Variants in RSRC1 observed in about 807,000 individuals in gnomAD.
The protein encoded by RSRC1 is arginine and serine rich coiled-coil 1, also known as serine/Arginine-related protein 53.
RSRC1 carries 39 observed loss-of-function variants against 49.1 expected under a neutral mutation model. The ratio of observed to expected loss-of-function variants is 0.79; its 90% CI spans 0.61 to 1.04. RSRC1 has a LOEUF of 1.04. Among genes scored for constraint, RSRC1 ranks in the 50% least tolerant of loss-of-function variants. The pLI, the probability that RSRC1 is intolerant of heterozygous loss-of-function variation, is 0.00. For synonymous variants in RSRC1, 143 were observed against 130.8 expected (o/e 1.09, Z -0.63); for missense variants, 388 against 402.4 (o/e 0.96, Z 0.31).
At chr3:158,305,337 G>T (rs2108132414) in intron 5 of RSRC1, among the ~76,000 whole-genome samples, 1 of 152,094 alleles carries the variant, frequency 6.6e-6, no homozygotes, top group South Asian at 2.1e-4. Context: ...TAACTTTTTT[G>T]ACTTTTATGC....
At chr3:158,355,732 T>C (rs1731119750) in intron 6 of RSRC1, among the ~76,000 whole-genome samples, 1 of 152,080 alleles carries the variant, frequency 6.6e-6, no homozygotes, top group South Asian at 2.1e-4. Context: ...TCTTCAAAAA[T>C]GTATATAACT....
At chr3:158,110,961 G>A (rs1714349385) in intron 1 of RSRC1, among the ~76,000 whole-genome samples, 1 of 152,164 alleles carries the variant, frequency 6.6e-6, no homozygotes, top group Admixed American at 6.5e-5. Flanking sequence ...ATCTTTAAAT[G>A]CACACTGGAA....
chr3:158,450,790 G>A (rs1031397412), intron 6 of RSRC1, among the ~76,000 whole-genome samples: 1 of 151,916 alleles, frequency 6.6e-6, no homozygotes, highest in African/African-American at 2.4e-5. Flanking sequence ...CTTAAACACC[G>A]TGGCCTATTA....
chr3:158,118,462 T>TGTGTGC (rs1491469875), intron 1 of RSRC1, among the ~76,000 whole-genome samples: 12,396 of 124,226 alleles, frequency 0.1, 897 homozygotes, highest in Admixed American at 0.11. Context: ...TGTGTGTGTG[T>TGTGTGC]GCGCGTGCGC....
At chr3:158,354,971 C>A in intron 6 of RSRC1, 63 bp downstream of exon 6, 4 of 1,095,182 alleles carry the variant, frequency 3.7e-6, no homozygotes, top group South Asian at 1.8e-5. Flanking sequence ...AGGCTGGTAG[C>A]ATGCTTAGAA....
chr3:158,323,889 A>T (rs1269164402), intron 5 of RSRC1, among the ~76,000 whole-genome samples: 1 of 152,180 alleles, frequency 6.6e-6, no homozygotes, highest in Non-Finnish European at 1.5e-5. Context: ...GCTAACATTC[A>T]GAACAGTTCC....
At position 158,372,034 on chromosome 3, in the gene RSRC1, G is replaced by C. The variant is rs150598106; in HGVS notation, c.583+17126G>C. Among the ~76,000 whole-genome samples, 134 of 137,668 alleles carry C rather than the reference G, an allele frequency of 9.7e-4. 5 individuals are homozygous for C. Among genetic ancestry groups the C allele is most frequent in the Middle Eastern group, 3.9e-3 (1 of 254 alleles). 90.3% of individuals were successfully genotyped at this position (137,668 alleles called of 152,430 possible). ...CATTAAAAAAATTGTTCATTTTTCA[G>C]TTGCTGAGTTTTAAGAGTTTGTATA... On this transcript the variant is annotated intron_variant, in intron 6 of 9. Coordinates refer to ENST00000611884, the MANE Select transcript of RSRC1 (RefSeq NM_001271838.2).
At chr3:158,514,815 T>C (rs1235500193) in intron 7 of RSRC1, among the ~76,000 whole-genome samples, 2 of 152,358 alleles carry the variant, frequency 1.3e-5, no homozygotes, top group East Asian at 1.9e-4. Context: ...ATTGGGTGCA[T>C]ATATAATTAA....
intron 4 of RSRC1, among the ~76,000 whole-genome samples, chr3:158,232,828 G>C (rs549201867): frequency 6.6e-6 from 1 of 152,180 alleles, no homozygotes; most frequent in East Asian, 1.9e-4. Context: ...GCTGGGCTCA[G>C]TAACTCATGC....
chr3:158,370,582 A>G (rs867578270), intron 6 of RSRC1, among the ~76,000 whole-genome samples: 4 of 151,530 alleles, frequency 2.6e-5, no homozygotes, highest in African/African-American at 7.3e-5. Context: ...CGTTGTGAGC[A>G]TTCATTTTTT....
At chr3:158,232,776 G>A (rs1011378454) in intron 4 of RSRC1, among the ~76,000 whole-genome samples, 8 of 152,098 alleles carry the variant, frequency 5.3e-5, no homozygotes, top group South Asian at 2.1e-4. Flanking sequence ...TTGGCAAAAT[G>A]ATCTACTCAT....
chr3:158,390,842 G>C (rs1267058121), intron 6 of RSRC1, among the ~76,000 whole-genome samples: 1 of 152,210 alleles, frequency 6.6e-6, no homozygotes, highest in East Asian at 1.9e-4. Flanking sequence ...ACACATTGAT[G>C]TTATTTGAAA....
chr3:158,373,076 T>C (rs1732167057), intron 6 of RSRC1, among the ~76,000 whole-genome samples: 1 of 151,924 alleles, frequency 6.6e-6, no homozygotes, highest in African/African-American at 2.4e-5. Context: ...ACTTAGAGAT[T>C]ACTAGTTTTT....
chr3:158,301,470 T>G (rs1366552372), intron 5 of RSRC1, among the ~76,000 whole-genome samples: 1 of 152,148 alleles, frequency 6.6e-6, no homozygotes, highest in Non-Finnish European at 1.5e-5. Flanking sequence ...GTTACTTCCC[T>G]TATTTATTTT....
chr3:158,231,248 G>A (rs1722933601), intron 4 of RSRC1, among the ~76,000 whole-genome samples: 1 of 136,772 alleles, frequency 7.3e-6, no homozygotes, highest in African/African-American at 2.7e-5. Flanking sequence ...CCATCCTTCC[G>A]CCTCAGCCTC....
intron 7 of RSRC1, among the ~76,000 whole-genome samples, chr3:158,488,371 A>G (rs181114958): frequency 3.9e-5 from 6 of 152,244 alleles, no homozygotes; most frequent in Admixed American, 3.3e-4. Flanking sequence ...ATAGCATCTT[A>G]GATTTGATGA....
intron 7 of RSRC1, among the ~76,000 whole-genome samples, chr3:158,488,698 A>T (rs1479754330): frequency 1.3e-5 from 2 of 152,206 alleles, no homozygotes; most frequent in Non-Finnish European, 2.9e-5. Context: ...GAAAGAGGCC[A>T]TTCCCGTATT....
chr3:158,164,412 A>C (rs1718419768), intron 3 of RSRC1, among the ~76,000 whole-genome samples: 1 of 152,042 alleles, frequency 6.6e-6, no homozygotes, highest in South Asian at 2.1e-4. Context: ...TTTAAATATT[A>C]AGAATACTTT....
chr3:158,234,709 A>G (rs1723146973), intron 4 of RSRC1, among the ~76,000 whole-genome samples: 1 of 152,028 alleles, frequency 6.6e-6, no homozygotes, highest in Admixed American at 6.6e-5. Flanking sequence ...CTTCACTTAA[A>G]TATTTTGGTC....
Sources: gnomAD v4.1 joint callset for allele counts (sites outside exome capture counted in the v4.1 genomes callset) on GRCh38, gnomAD v4.1.1 for gene constraint, MANE v1.5 for transcripts, NCBI Gene and HGNC (gene_info 2026-07-23, HGNC 2026-07-21) for gene names.